SLIT2: variants seen among roughly 807,000 people sequenced by gnomAD.
SLIT2 encodes the protein slit homolog 2 protein.
SLIT2 carries 41 observed loss-of-function variants against 185.7 expected under a neutral mutation model. The observed-to-expected ratio is 0.22, with a 90% CI of 0.17 to 0.29. SLIT2 has a LOEUF of 0.29. Ranked by LOEUF, SLIT2 falls within the 10% of genes least tolerant of loss-of-function variation. The pLI, the probability that SLIT2 is intolerant of heterozygous loss-of-function variation, is 1.00. For synonymous variants in SLIT2, 693 were observed against 680.2 expected (o/e 1.02, Z -0.29); for missense variants, 1,571 against 1,909.0 (o/e 0.82, Z 3.30).
chr4:20,423,405 C>T (rs1189279568), intron 4 of SLIT2, among the ~76,000 whole-genome samples: 1 of 151,494 alleles, frequency 6.6e-6, no homozygotes, highest in African/African-American at 2.4e-5. Context: ...AAAAAGTATA[C>T]TATAATTTAT....
intron 18 of SLIT2, 49 bp from the exon 19 acceptor site, chr4:20,539,392 G>A (rs200078350): frequency 1.3e-6 from 2 of 1,554,708 alleles, no homozygotes; most frequent in African/African-American, 2.8e-5. Flanking sequence ...AGGCAAAATT[G>A]ATTGCCTGAT....
chr4:20,291,473 TATATATATATATATATATA>T lies in SLIT2; in HGVS notation c.395+22593_395+22611del, dbSNP rs1339078426. On this transcript the variant is annotated intron_variant, in intron 4 of 36. Coordinates refer to ENST00000504154, the MANE Select transcript of SLIT2 (RefSeq NM_004787.4). ...ATATATATATATATATATATATATA[TATATATATATATATATATA>T]TTTTTTTTTTTTTTTTTTTTTTTTT... 4.1e-3 allele frequency among the ~76,000 whole-genome samples: 36 copies of T among 8,716 alleles called. 1 individual carries two copies. The highest frequency in any genetic ancestry group is 0.01 in the Admixed American group (7 of 688). 5.7% of individuals were successfully genotyped at this position (8,716 alleles called of 152,430 possible). A position where few individuals can be genotyped will look rare whatever the true frequency, so the allele number is the denominator to read the frequency against.
In SLIT2 at chr4:20,595,749, G is replaced by T. The variant is rs756121317; in HGVS notation, c.3235G>T (p.Asp1079Tyr). The T allele has an allele frequency of 1.9e-6, 3 of 1,614,046 alleles. No homozygotes were observed. Among genetic ancestry groups the T allele is most frequent in the Non-Finnish European group, 2.5e-6 (3 of 1,180,002 alleles). Residue 1079 changes from aspartate to tyrosine, a missense_variant, in exon 31 of 37, where the codon GAC (aspartate) becomes TAC (tyrosine). Coordinates refer to ENST00000504154, the MANE Select transcript of SLIT2 (RefSeq NM_004787.4). ...VGEHCDIDFD[D>Y]CQDNKCKNGA... The stretch of plus-strand genomic sequence containing the variant: ...TGAACACTGCGACATCGATTTTGAC[G>T]ACTGCCAAGACAACAAGTGTAAAAA...
At chr4:20,596,892 AAAT>A (rs1288863590) in intron 32 of SLIT2, among the ~76,000 whole-genome samples, 3 of 152,138 alleles carry the variant, frequency 2.0e-5, no homozygotes, top group Admixed American at 6.6e-5. Flanking sequence ...GTAAAAAAAA[AAAT>A]ATGTCTCTTT....
rs1257410777 is a variant in SLIT2 at position 20,553,747 on chromosome 4, G to GTGTGTGTGTGTA, written c.2562-49_2562-48insGTATGTGTGTGT. ...AATACTTCCATACTTGTGTGTGTGT[G>GTGTGTGTGTGTA]TGTGTGTGTATGTGTGTGTGTGTAT... On this transcript the variant is annotated intron_variant, in intron 25 of 36. Transcript: ENST00000504154. 4.5e-6 allele frequency: 6 copies of GTGTGTGTGTGTA among 1,320,458 alleles called. No homozygotes were observed. The African/African-American group carries it at 9.0e-5, about 20-fold the overall frequency. The allele number at this position is 1,320,458 out of a possible 1,614,324, so 81.8% of individuals were successfully genotyped here.
chr4:20,360,385 C>T (rs1577498803), intron 4 of SLIT2, among the ~76,000 whole-genome samples: 1 of 152,190 alleles, frequency 6.6e-6, no homozygotes, highest in Middle Eastern at 3.4e-3. Flanking sequence ...TTCATGACCT[C>T]ATTTCATCCT....
At chr4:20,348,302 G>A (rs1222742213) in intron 4 of SLIT2, among the ~76,000 whole-genome samples, 2 of 152,030 alleles carry the variant, frequency 1.3e-5, no homozygotes, top group Admixed American at 6.5e-5. Flanking sequence ...GCAGTGGCAT[G>A]ATCTTGGCTC....
At chr4:20,618,731 T>C (rs867884625) in intron 36 of SLIT2, 37 bp from the exon 37 acceptor site, 4 of 1,549,004 alleles carry the variant, frequency 2.6e-6, no homozygotes, top group African/African-American at 2.7e-5. Context: ...TTACAGTGAC[T>C]GTTCTTAAAA....
rs867521743 is a variant in SLIT2 at position 20,507,817 on chromosome 4, C to T, written c.915-2678C>T. Among the ~76,000 whole-genome samples, 6 of 151,884 alleles carry T rather than the reference C, an allele frequency of 4.0e-5. 1 individual carries two copies. The South Asian group carries it at 6.2e-4, about 16-fold the overall frequency. On this transcript the variant is annotated intron_variant, in intron 9 of 36. Coordinates refer to ENST00000504154, the MANE Select transcript of SLIT2 (RefSeq NM_004787.4). ...TTAATTTTTTCTCATCATAGCACTA[C>T]GTTATTGTGAGCAAATCTTTAATAC...
At chr4:20,406,219 C>T (rs917074720) in intron 4 of SLIT2, among the ~76,000 whole-genome samples, 1 of 144,174 alleles carries the variant, frequency 6.9e-6, no homozygotes, top group African/African-American at 2.4e-5. Context: ...TTGCAGATAT[C>T]ATAGAATAGT....
At chr4:20,530,975 ACAAAAAC>A in intron 16 of SLIT2, among the ~76,000 whole-genome samples, 1 of 150,872 alleles carries the variant, frequency 6.6e-6, no homozygotes, top group Middle Eastern at 3.5e-3. Flanking sequence ...AAAAAAAAAA[ACAAAAAC>A]AAAAAGGGAG....
intron 4 of SLIT2, among the ~76,000 whole-genome samples, chr4:20,441,496 C>G (rs1205147425): frequency 6.8e-6 from 1 of 147,808 alleles, no homozygotes; most frequent in Non-Finnish European, 1.5e-5. Flanking sequence ...CTCTCTCTCT[C>G]TCTCTCGCCC....
At chr4:20,402,234 C>T (rs1277376101) in intron 4 of SLIT2, among the ~76,000 whole-genome samples, 3 of 151,822 alleles carry the variant, frequency 2.0e-5, no homozygotes, top group Admixed American at 6.6e-5. Flanking sequence ...TCAAAAGGCT[C>T]CTAAGTCTTA....
intron 32 of SLIT2, among the ~76,000 whole-genome samples, 160 bp from the exon 33 acceptor site, chr4:20,598,105 A>T (rs1018169741): frequency 1.3e-5 from 2 of 152,226 alleles, no homozygotes. Flanking sequence ...ATTTAAGAAC[A>T]AGTCACCTTT....
intron 4 of SLIT2, among the ~76,000 whole-genome samples, chr4:20,381,181 A>G (rs191840223): frequency 6.6e-6 from 1 of 152,200 alleles, no homozygotes; most frequent in Non-Finnish European, 1.5e-5. Flanking sequence ...TGAACCCGGG[A>G]TTCGGAGGTT....
rs181570793 is a variant in SLIT2, at chr4:20,572,513, C to T, written c.3088+3509C>T. Among the ~76,000 whole-genome samples, 28 of 152,192 alleles carry T rather than the reference C, an allele frequency of 1.8e-4. No homozygotes were observed. The South Asian group carries it at 5.2e-3, about 28-fold the overall frequency. ...TCTTCTTTCTAAAGACAAGACATTT[C>T]TTGGAGCTAAATTTCCAAGGAATTC... is the stretch of plus-strand genomic sequence containing the variant. On this transcript the variant is annotated intron_variant, in intron 29 of 36. Coordinates refer to ENST00000504154, the MANE Select transcript of SLIT2 (RefSeq NM_004787.4).
chr4:20,371,098 A>G (rs904397253), intron 4 of SLIT2, among the ~76,000 whole-genome samples: 2 of 152,084 alleles, frequency 1.3e-5, no homozygotes, highest in African/African-American at 2.4e-5. Flanking sequence ...TGGGAGAGCC[A>G]CTTATGGTTT....
At position 20,454,424 on chromosome 4, in the gene SLIT2, A is replaced by T. The variant is rs187575545; in HGVS notation, c.396-13328A>T. The stretch of plus-strand genomic sequence containing the variant: ...AAATATACTTTTAATCAAATTAGGA[A>T]TTTAATCTGTAATGACATTTACAAG... On this transcript the variant is annotated intron_variant, in intron 4 of 36. Coordinates refer to ENST00000504154, the MANE Select transcript of SLIT2 (RefSeq NM_004787.4). 3.9e-5 allele frequency among the ~76,000 whole-genome samples: 6 copies of T among 152,322 alleles called. No individual in the cohort carries two copies. In the East Asian group the frequency reaches 1.2e-3, roughly 29 times the overall value.
In SLIT2 at chr4:20,440,010, T is replaced by C. The variant is rs1230380134; in HGVS notation, c.396-27742T>C. ...TTAGGTTTATTTTGCCAAAGCCTTC[T>C]AATGAAATAGTTACACCATTTAATT... On this transcript the variant is annotated intron_variant, in intron 4 of 36. Coordinates refer to ENST00000504154, the MANE Select transcript of SLIT2 (RefSeq NM_004787.4). Among the ~76,000 whole-genome samples, 4 of 152,348 alleles carry C rather than the reference T, an allele frequency of 2.6e-5. No homozygotes were observed. The Middle Eastern group carries it at 0.01, about 389-fold the overall frequency.
Sources: gnomAD v4.1 joint callset for allele counts (sites outside exome capture counted in the v4.1 genomes callset) on GRCh38, gnomAD v4.1.1 for gene constraint, MANE v1.5 for transcripts, NCBI Gene and HGNC (gene_info 2026-07-23, HGNC 2026-07-21) for gene names.